NXPH4: variants seen among roughly 807,000 people sequenced by gnomAD.
The protein encoded by NXPH4 is neurexophilin-4.
A neutral mutation model predicts 21.3 loss-of-function variants in NXPH4; 8 were observed. That is an observed-to-expected ratio of 0.38 (90% CI 0.22 to 0.68). The LOEUF is 0.68. Among genes scored for constraint, NXPH4 ranks in the 30% least tolerant of loss-of-function variants. The pLI, the probability that NXPH4 is intolerant of heterozygous loss-of-function variation, is 0.53. For missense variants in NXPH4, 418 were observed against 416.8 expected (o/e 1.00, Z -0.03); for synonymous variants, 219 against 192.6 (o/e 1.14, Z -1.13).
Position 57,225,831 on chromosome 12 carries a change from T to A in NXPH4, c.*84T>A. The A allele has an allele frequency of 2.0e-6, 3 of 1,528,848 alleles. No individual in the cohort carries two copies. Among genetic ancestry groups the A allele is most frequent in the Non-Finnish European group, 2.6e-6 (3 of 1,138,536 alleles). The allele number at this position is 1,528,848 out of a possible 1,614,324, so 94.7% of individuals were successfully genotyped here. On this transcript the variant is annotated 3_prime_UTR_variant, in exon 2 of 2. Transcript: ENST00000349394. ...CCCCTTCCCAGTGTTCTGCCGCTCC[T>A]GTGGCCATGTCGCCCACTCCTTCCA...
chr12:57,216,982 C>G lies in NXPH4; in HGVS notation c.13C>G (p.Pro5Ala). 6.2e-7 allele frequency: 1 copy of G among 1,604,206 alleles called. No individual in the cohort carries two copies. The highest frequency in any genetic ancestry group is 8.5e-7 in the Non-Finnish European group (1 of 1,176,110). ...GCCGCCAGAGAAGATGCGGCTGCTC[C>G]CGGAATGGTTCCTCTTGCTCTTTGG... MRLL[P>A]EWFLLLFGPW... Residue 5 changes from proline (P) to alanine (A), a missense_variant, in exon 1 of 2, where the codon CCG becomes GCG. Transcript: ENST00000349394. The surrounding 1 kb of genome is among the most constrained non-coding windows in gnomAD (Gnocchi z 5.3).
chr12:57,217,122 C>G, intron 1 of NXPH4, 96 bp downstream of exon 1: 1 of 1,135,800 alleles, frequency 8.8e-7, no homozygotes, highest in Non-Finnish European at 1.3e-6. Flanking sequence ...GCCCCGCCCC[C>G]AGCTCCGAGC....
Position 57,216,935 on chromosome 12 carries a change from C to A in NXPH4, c.-35C>A. Reference sequence around the variant, plus strand: ...AGGCCTGGCTCCCGCCTGCCCGAGACCCGCCCAGCCTGCCCCGCTCAGCCG... The same window carrying A: ...AGGCCTGGCTCCCGCCTGCCCGAGAACCGCCCAGCCTGCCCCGCTCAGCCG... On this transcript the variant is annotated 5_prime_UTR_variant, in exon 1 of 2. Coordinates refer to ENST00000349394, the MANE Select transcript of NXPH4 (RefSeq NM_007224.4). This position sits in a 1 kb window ranked among gnomAD's most constrained non-coding sequence, Gnocchi z 5.3. 6.5e-7 allele frequency: 1 copy of A among 1,535,272 alleles called. No homozygotes were observed. The highest frequency in any genetic ancestry group is 8.8e-7 in the Non-Finnish European group (1 of 1,140,584).
chr12:57,225,727 G>C lies in NXPH4; in HGVS notation c.907G>C (p.Glu303Gln). 1 of 1,612,672 alleles carries C rather than the reference G, an allele frequency of 6.2e-7. No homozygotes were observed. Among genetic ancestry groups the C allele is most frequent in the Admixed American group, 1.7e-5 (1 of 59,994 alleles). ...GTGCCCAGACTATAACTTCCAGAGTGAGCACCCCTACTTCGGATAGCGCCC... is the reference window on the plus strand; with the variant it reads ...GTGCCCAGACTATAACTTCCAGAGTCAGCACCCCTACTTCGGATAGCGCCC... ...KVCPDYNFQSEHPYFG is the reference protein window; with the variant it reads ...KVCPDYNFQSQHPYFG The change falls in exon 2 of 2, where the codon GAG becomes CAG. Residue 303 changes from glutamate (E) to glutamine (Q), a missense_variant. Glu to Gln is a conservative substitution (Grantham distance 29, BLOSUM62 2). Transcript: ENST00000349394.
intron 1 of NXPH4, among the ~76,000 whole-genome samples, chr12:57,221,118 A>G (rs1420598796): frequency 6.6e-6 from 1 of 151,784 alleles, no homozygotes; most frequent in Non-Finnish European, 1.5e-5. Flanking sequence ...TGTGCCTGCC[A>G]GTCCCCAATC....
chr12:57,223,096 G>T (rs2037107830), intron 1 of NXPH4, among the ~76,000 whole-genome samples: 1 of 152,080 alleles, frequency 6.6e-6, no homozygotes, highest in South Asian at 2.1e-4. Context: ...CCTCCCCAGA[G>T]ACCACTCAGA....
rs2037126932 is a variant in NXPH4, at chr12:57,224,971, C to T, written c.151C>T (p.Pro51Ser). ...AGCGGGTGCCCCCGGCCAGCAGCTC[C>T]CAGAGCCAAGGTCTTCGGACGGCCT... ...AGAGAPGQQL[P>S]EPRSSDGLGV... The change falls in exon 2 of 2, where the codon CCA (proline) becomes TCA (serine). Residue 51 changes from proline (P) to serine (S), a missense_variant. Transcript: ENST00000349394. 1.4e-6 allele frequency: 2 copies of T among 1,436,092 alleles called. No individual in the cohort carries two copies. Among genetic ancestry groups the T allele is most frequent in the Non-Finnish European group, 1.8e-6 (2 of 1,094,266 alleles). 89.0% of individuals were successfully genotyped at this position (1,436,092 alleles called of 1,614,324 possible).
At position 57,220,338 on chromosome 12, in the gene NXPH4, G is replaced by A. The variant is rs532483786; in HGVS notation, c.57+3312G>A. Among the ~76,000 whole-genome samples, 497 of 152,302 alleles carry A rather than the reference G, an allele frequency of 3.3e-3. 2 individuals carry two copies. The highest frequency in any genetic ancestry group is 5.4e-3 in the Non-Finnish European group (364 of 68,008). ...TCCGCGGCTCCCCCCAACCCCCACC[G>A]CGCCCCGGAGCCGGCGCCTTTATAG... is the stretch of plus-strand genomic sequence containing the variant. On this transcript the variant is annotated intron_variant, in intron 1 of 1. Coordinates refer to ENST00000349394, the MANE Select transcript of NXPH4 (RefSeq NM_007224.4).
In NXPH4 at chr12:57,225,044, G is replaced by T; in HGVS notation, c.224G>T (p.Gly75Val). 6.8e-7 allele frequency: 1 copy of T among 1,480,712 alleles called. No individual in the cohort carries two copies. The highest frequency in any genetic ancestry group is 2.4e-5 in the Admixed American group (1 of 41,070). 91.7% of individuals were successfully genotyped at this position (1,480,712 alleles called of 1,614,324 possible). A position where few individuals can be genotyped will look rare whatever the true frequency, so the allele number is the denominator to read the frequency against. ...WSWAWPTNHT[G>V]ALARAGAAGA... ...TGGGCCTGGCCGACCAACCACACGG[G>T]GGCGCTGGCCCGGGCAGGGGCAGCC... Residue 75 changes from glycine to valine, a missense_variant, in exon 2 of 2, where the codon GGG becomes GTG. Physicochemically the swap from Gly to Val is moderately radical, Grantham distance 109 (BLOSUM62 -3). Transcript: ENST00000349394.
At chr12:57,220,659 G>A (rs1163205937) in intron 1 of NXPH4, among the ~76,000 whole-genome samples, 1 of 151,974 alleles carries the variant, frequency 6.6e-6, no homozygotes, top group African/African-American at 2.4e-5. Flanking sequence ...CAACCTGCCT[G>A]GCCCCCTCCC....
At chr12:57,217,266 C>A (rs1227852604) in intron 1 of NXPH4, among the ~76,000 whole-genome samples, 1 of 152,172 alleles carries the variant, frequency 6.6e-6, no homozygotes, top group Non-Finnish European at 1.5e-5. Flanking sequence ...CGACTTCAGG[C>A]GCGGCGGGGG....
At chr12:57,219,273 C>T (rs1378949231) in intron 1 of NXPH4, among the ~76,000 whole-genome samples, 1 of 152,136 alleles carries the variant, frequency 6.6e-6, no homozygotes, top group Non-Finnish European at 1.5e-5. Flanking sequence ...CTTCCCATTT[C>T]TCAGAGCCTG....
In NXPH4 at chr12:57,224,141, T is replaced by C. The variant is rs538152260; in HGVS notation, c.58-737T>C. 1.8e-4 allele frequency among the ~76,000 whole-genome samples: 27 copies of C among 151,610 alleles called. No homozygotes were observed. In the East Asian group the frequency reaches 5.0e-3, roughly 28 times the overall value. ...CTTTTTTCTTTTCTTTTCTTTTTTT[T>C]CTGAGAGGGAGTCTCGCTCTGTCGC... On this transcript the variant is annotated intron_variant, in intron 1 of 1. Transcript: ENST00000349394.
intron 1 of NXPH4, among the ~76,000 whole-genome samples, chr12:57,219,005 G>A (rs1036672260): frequency 3.9e-5 from 6 of 152,112 alleles, no homozygotes; most frequent in Non-Finnish European, 5.9e-5. Context: ...GTGCATTTGA[G>A]TGTGCTATGA....
chr12:57,226,281 ACC>A lies in NXPH4; in HGVS notation c.*537_*538del. ...ACCCTATTAGGGTACCGGAAGCAGA[ACC>A]CCTGGGCTGAGGCCCTGGCCCTGCC... On this transcript the variant is annotated 3_prime_UTR_variant, in exon 2 of 2. Coordinates refer to ENST00000349394, the MANE Select transcript of NXPH4 (RefSeq NM_007224.4). 3.7e-6 allele frequency: 1 copy of A among 269,174 alleles called. No individual in the cohort carries two copies. Among genetic ancestry groups the A allele is most frequent in the Non-Finnish European group, 6.9e-6 (1 of 144,216 alleles). 16.7% of individuals were successfully genotyped at this position (269,174 alleles called of 1,614,324 possible). A position where few individuals can be genotyped will look rare whatever the true frequency, so the allele number is the denominator to read the frequency against.
At position 57,225,546 on chromosome 12, in the gene NXPH4, C is replaced by A; in HGVS notation, c.726C>A (p.Arg242=). 6.2e-7 allele frequency: 1 copy of A among 1,613,150 alleles called. No homozygotes were observed. The highest frequency in any genetic ancestry group is 8.5e-7 in the Non-Finnish European group (1 of 1,179,990). The change falls in exon 2 of 2, where the codon CGC becomes CGA. Residue 242 remains arginine (R), a synonymous_variant. Coordinates refer to ENST00000349394, the MANE Select transcript of NXPH4 (RefSeq NM_007224.4). The part of the protein sequence containing the change: ...NCHVEYEKTN[R]ARKHRPCLYD... ...ACGTGGAGTATGAGAAGACAAACCG[C>A]GCGCGCAAGCACCGACCGTGCCTGT...
Position 57,225,145 on chromosome 12 carries a change from G to C in NXPH4, c.325G>C (p.Gly109Arg). 1.3e-6 allele frequency: 2 copies of C among 1,569,476 alleles called. No homozygotes were observed. The highest frequency in any genetic ancestry group is 1.7e-6 in the Non-Finnish European group (2 of 1,157,984). ...AARAKKIFGW[G>R]DFYFRVHTLK... ...GCGCGCCAAAAAGATCTTCGGCTGG[G>C]GGGACTTCTACTTTCGGGTGCATAC... The change falls in exon 2 of 2, where the codon GGG (glycine) becomes CGG (arginine). Residue 109 changes from glycine to arginine, a missense_variant. Transcript: ENST00000349394.
At chr12:57,217,241 G>A (rs2037049802) in intron 1 of NXPH4, among the ~76,000 whole-genome samples, 1 of 152,202 alleles carries the variant, frequency 6.6e-6, no homozygotes, top group African/African-American at 2.4e-5. Flanking sequence ...GCCGGGCGGA[G>A]GTCCCCCTTG....
chr12:57,225,222 T>TACCC lies in NXPH4; in HGVS notation c.405_406insCACC (p.Phe136HisfsTer104). 6.3e-7 allele frequency: 1 copy of TACCC among 1,576,114 alleles called. No homozygotes were observed. The stretch of plus-strand genomic sequence containing the variant: ...GCAAGATCGTGGACCATGTGAACGG[T>TACCC]ACCTTCAGTGTGTATTTCCGCCACA... On this transcript the variant is annotated frameshift_variant, in exon 2 of 2. Transcript: ENST00000349394. LOFTEE classifies it high-confidence loss of function.
Sources: gnomAD v4.1 joint callset for allele counts (sites outside exome capture counted in the v4.1 genomes callset) on GRCh38, gnomAD v4.1.1 for gene constraint, Gnocchi (gnomAD v3.1) non-coding constraint, MANE v1.5 for transcripts, NCBI Gene and HGNC (gene_info 2026-07-23, HGNC 2026-07-21) for gene names.